Variants in RASSF5 observed in about 807,000 individuals in gnomAD.
RASSF5 encodes the protein Ras association domain family member 5.
In RASSF5, 25 loss-of-function variants were observed where a neutral mutation model predicts 40.5. The ratio of observed to expected loss-of-function variants is 0.62; its 90% confidence interval spans 0.45 to 0.86. The LOEUF (loss-of-function observed/expected upper bound fraction) is 0.86. Ranked by LOEUF, RASSF5 falls within the 40% of genes least tolerant of loss-of-function variation. The pLI is 0.00. For synonymous variants in RASSF5, 246 were observed against 252.4 expected, an observed-to-expected ratio of 0.97 and a Z score of 0.24; for missense variants, 521 against 572.8, an observed-to-expected ratio of 0.91 and a Z score of 0.92.
intron 1 of RASSF5, chr1:206,529,331 C>G (rs572799778): frequency 1.8e-4 from 142 of 771,466 alleles, no homozygotes; most frequent in Non-Finnish European, 3.1e-4. Flanking sequence ...GAGTTAACAC[C>G]ATCACCACTT....
chr1:206,539,939 C>A (rs1408319088), intron 2 of RASSF5, among the ~76,000 whole-genome samples: 1 of 152,174 alleles, frequency 6.6e-6, no homozygotes, highest in Non-Finnish European at 1.5e-5. Context: ...GCCCTGCACG[C>A]CACCCTGGAG....
At position 206,584,699 on chromosome 1, in the gene RASSF5, G is replaced by A. The variant is rs1553407212; in HGVS notation, c.988+15G>A. On this transcript the variant is annotated intron_variant, in intron 4 of 5. Coordinates refer to ENST00000579436, the MANE Select transcript of RASSF5 (RefSeq NM_182663.4). This position sits in a 1 kb window ranked among gnomAD's most constrained non-coding sequence, Gnocchi z 4.9. ...GGACGGACAAGGTAGGAGAAAGAGT[G>A]AACCCAACCAGACCGTTCCCTTCCT... 2 of 1,613,952 alleles carry A rather than the reference G, an allele frequency of 1.2e-6. No individual in the cohort carries two copies. Among genetic ancestry groups the A allele is most frequent in the African/African-American group, 2.7e-5 (2 of 74,914 alleles).
intron 1 of RASSF5, among the ~76,000 whole-genome samples, chr1:206,533,733 T>C (rs1418410081): frequency 1.3e-5 from 2 of 151,614 alleles, no homozygotes; most frequent in African/African-American, 4.9e-5. Flanking sequence ...CCAACCTGGG[T>C]GAGAGAGTGA....
chr1:206,587,125 A>C lies in RASSF5; in HGVS notation c.*147A>C. On this transcript the variant is annotated 3_prime_UTR_variant, in exon 6 of 6. Transcript: ENST00000579436. ...TCCAGCTGTGGCAAAAGTCTCTTCC[A>C]TGGACAAGTGTTTGCACGAGGGTTC... 3.9e-6 allele frequency: 4 copies of C among 1,022,042 alleles called. No individual in the cohort carries two copies. Among genetic ancestry groups the C allele is most frequent in the Non-Finnish European group, 5.8e-6 (4 of 683,814 alleles). The allele number at this position is 1,022,042 out of a possible 1,614,324, so 63.3% of individuals were successfully genotyped here. A position where few individuals can be genotyped will look rare whatever the true frequency, so the allele number is the denominator to read the frequency against.
At chr1:206,567,238 T>C (rs1668313881) in intron 2 of RASSF5, among the ~76,000 whole-genome samples, 1 of 152,004 alleles carries the variant, frequency 6.6e-6, no homozygotes, top group South Asian at 2.1e-4. Context: ...TTGGCGTGGG[T>C]CTTCTGTCTT....
intron 2 of RASSF5, among the ~76,000 whole-genome samples, chr1:206,556,285 C>T (rs183877613): frequency 3.3e-5 from 5 of 152,288 alleles, no homozygotes; most frequent in East Asian, 1.9e-4. Context: ...TGTGTGACTC[C>T]GAGCCTTACT....
At chr1:206,570,490 T>C (rs1668415160) in intron 2 of RASSF5, among the ~76,000 whole-genome samples, 1 of 152,076 alleles carries the variant, frequency 6.6e-6, no homozygotes, top group Admixed American at 6.5e-5. Context: ...GAACTTTTGT[T>C]TTCCCCAACT....
chr1:206,534,952 C>T (rs574514740), intron 1 of RASSF5, among the ~76,000 whole-genome samples: 97 of 152,228 alleles, frequency 6.4e-4, no homozygotes, highest in African/African-American at 2.2e-3. Flanking sequence ...AGCACCTGGC[C>T]GGGTGCGGTG....
At chr1:206,518,643 G>A in intron 1 of RASSF5, 1 of 394,300 alleles carries the variant, frequency 2.5e-6, no homozygotes, top group Non-Finnish European at 4.5e-6. Flanking sequence ...CTGGCAGTCT[G>A]CTGTTTAGTG....
intron 2 of RASSF5, among the ~76,000 whole-genome samples, chr1:206,574,962 C>T (rs895090723): frequency 1.3e-5 from 2 of 149,502 alleles, no homozygotes; most frequent in Non-Finnish European, 3.0e-5. Flanking sequence ...CAGGTTCAAG[C>T]GATTCTTCCG....
At chr1:206,555,659 C>T (rs1553401671) in intron 2 of RASSF5, among the ~76,000 whole-genome samples, 1 of 152,240 alleles carries the variant, frequency 6.6e-6, no homozygotes, top group East Asian at 1.9e-4. Context: ...CTCCTCTTAT[C>T]TGCCTGCCAG....
chr1:206,586,470 C>A, intron 5 of RASSF5: 1 of 218,778 alleles, frequency 4.6e-6, no homozygotes, highest in Non-Finnish European at 9.2e-6. Flanking sequence ...AGTCCACGTT[C>A]CACTCCTCCA....
intron 1 of RASSF5, among the ~76,000 whole-genome samples, chr1:206,511,565 G>A (rs140707874): frequency 1.2e-4 from 18 of 152,204 alleles, no homozygotes; most frequent in East Asian, 1.2e-3. Context: ...TCCTGGAGTC[G>A]GAGTCTCTCT....
chr1:206,534,655 G>T (rs925953070), intron 1 of RASSF5, among the ~76,000 whole-genome samples: 4 of 152,186 alleles, frequency 2.6e-5, no homozygotes, highest in Non-Finnish European at 4.4e-5. Context: ...AGCTTCCTAG[G>T]TCTGTGCCAC....
At chr1:206,583,187 A>G in intron 2 of RASSF5, 82 bp from the exon 3 acceptor site, 1 of 881,414 alleles carries the variant, frequency 1.1e-6, no homozygotes. Context: ...TTGGTTAGAG[A>G]GGCTTTGGGG....
intron 2 of RASSF5, chr1:206,557,317 C>A (rs1297239128): frequency 1.6e-6 from 2 of 1,256,782 alleles, no homozygotes; most frequent in African/African-American, 3.2e-5. Context: ...GCCGGGCGCC[C>A]GGGGCTCTGC....
intron 2 of RASSF5, among the ~76,000 whole-genome samples, chr1:206,562,659 G>A (rs563036633): frequency 9.2e-5 from 14 of 152,284 alleles, no homozygotes; most frequent in Non-Finnish European, 1.8e-4. Context: ...TTGGCCGGGC[G>A]TGGTGGCTCA....
At chr1:206,570,767 A>G (rs1391453490) in intron 2 of RASSF5, among the ~76,000 whole-genome samples, 1 of 152,080 alleles carries the variant, frequency 6.6e-6, no homozygotes, top group Non-Finnish European at 1.5e-5. Context: ...ATTCCATTGT[A>G]TGGACACAAC....
chr1:206,523,278 T>C (rs1666954087), intron 1 of RASSF5, among the ~76,000 whole-genome samples: 1 of 147,448 alleles, frequency 6.8e-6, no homozygotes, highest in South Asian at 2.1e-4. Context: ...TGCTCCAGCC[T>C]GGGTGACAGA....
Sources: gnomAD v4.1 joint callset for allele counts (sites outside exome capture counted in the v4.1 genomes callset) on GRCh38, gnomAD v4.1.1 for gene constraint, Gnocchi (gnomAD v3.1) non-coding constraint, MANE v1.5 for transcripts, NCBI Gene and HGNC (gene_info 2026-07-23, HGNC 2026-07-21) for gene names.